The following AFF3 variants were observed in gnomAD, a reference collection of about 807,000 sequenced individuals.
AFF3 encodes ALF transcription elongation factor 3.
In AFF3, 32 loss-of-function variants were observed where a neutral mutation model predicts 129.7. That is an observed-to-expected ratio of 0.25 (90% CI 0.19 to 0.33). The LOEUF (loss-of-function observed/expected upper bound fraction) is 0.33. AFF3 is among the 10% of genes least tolerant of loss of function. AFF3 has a pLI of 1.00. For missense variants in AFF3, 1,373 were observed against 1,592.0 expected (o/e 0.86, Z 2.34); for synonymous variants, 644 against 635.4 (o/e 1.01, Z -0.20).
intron 8 of AFF3, among the ~76,000 whole-genome samples, chr2:99,818,828 G>A (rs929630199): frequency 5.3e-5 from 8 of 152,076 alleles, no homozygotes; most frequent in Admixed American, 2.0e-4. Context: ...AAATTACTTT[G>A]CCTGGGTAAT....
At chr2:99,866,394 G>A (rs1359088533) in intron 7 of AFF3, among the ~76,000 whole-genome samples, 2 of 152,154 alleles carry the variant, frequency 1.3e-5, no homozygotes, top group Admixed American at 1.3e-4. Flanking sequence ...CAGAAAAAAA[G>A]CCCAGCCATG....
chr2:99,973,940 C>T (rs566378010), intron 7 of AFF3, among the ~76,000 whole-genome samples: 10 of 152,266 alleles, frequency 6.6e-5, no homozygotes, highest in Admixed American at 3.9e-4. Context: ...GCACCCAAGA[C>T]ACCCCAAGCA....
At chr2:99,836,968 A>G (rs1475463910) in intron 8 of AFF3, among the ~76,000 whole-genome samples, 1 of 152,248 alleles carries the variant, frequency 6.6e-6, no homozygotes, top group Non-Finnish European at 1.5e-5. Flanking sequence ...CACACTAGAC[A>G]CAACGGTGAT....
Position 99,690,243 on chromosome 2 carries a change from C to T in AFF3, c.1092-17654G>A, listed in dbSNP as rs191445161. 1.5e-3 allele frequency among the ~76,000 whole-genome samples: 216 copies of T among 148,068 alleles called. 1 individual carries two copies. In the East Asian group the frequency reaches 0.038, roughly 26 times the overall value. ...TCGCCCAGGCTGGAGTGCAGTGGCG[C>T]GATCTCGGCTCACTGCAAGCTCCGC... On this transcript the variant is annotated intron_variant, in intron 11 of 24. Coordinates refer to ENST00000672756, the MANE Select transcript of AFF3 (RefSeq NM_001386135.1).
intron 10 of AFF3, among the ~76,000 whole-genome samples, chr2:99,739,237 C>T (rs774456977): frequency 2.0e-5 from 3 of 152,002 alleles, no homozygotes; most frequent in Non-Finnish European, 2.9e-5. Context: ...GCTGTTCCCA[C>T]CACCACTAAA....
At chr2:100,060,565 A>G (rs1264171357) in intron 4 of AFF3, among the ~76,000 whole-genome samples, 2 of 152,188 alleles carry the variant, frequency 1.3e-5, no homozygotes, top group South Asian at 4.1e-4. Context: ...GCTATTAGAT[A>G]AATGATTTAA....
Position 99,681,620 on chromosome 2 carries a change from T to A in AFF3, c.1092-9031A>T, listed in dbSNP as rs149293456. On this transcript the variant is annotated intron_variant, in intron 11 of 24. Transcript: ENST00000672756. Reference sequence around the variant, plus strand: ...CCCTGTAAGAGAGACCTCAAAGAGCTCTTTCGACTTTGTGTCCTTTCCACC... The same window carrying A: ...CCCTGTAAGAGAGACCTCAAAGAGCACTTTCGACTTTGTGTCCTTTCCACC... 9.9e-3 allele frequency among the ~76,000 whole-genome samples: 1,503 copies of A among 152,276 alleles called. 18 individuals carry two copies. Among genetic ancestry groups the A allele is most frequent in the Middle Eastern group, 0.027 (8 of 294 alleles).
At chr2:99,799,361 A>G (rs1242243546) in intron 8 of AFF3, among the ~76,000 whole-genome samples, 2 of 152,016 alleles carry the variant, frequency 1.3e-5, no homozygotes, top group African/African-American at 4.8e-5. Flanking sequence ...GAACGGTGGA[A>G]TGACTACATG....
In AFF3 at chr2:99,655,213, T is replaced by TACACACACAC. The variant is rs59646108; in HGVS notation, c.1144-5557_1144-5548dup. Among the ~76,000 whole-genome samples, 71 of 130,358 alleles carry TACACACACAC rather than the reference T, an allele frequency of 5.4e-4. 2 individuals carry two copies. The highest frequency in any genetic ancestry group is 1.7e-3 in the African/African-American group (58 of 33,610). The allele number at this position is 130,358 out of a possible 152,430, so 85.5% of individuals were successfully genotyped here. ...TAGAGGTGGGGCAGACATGAAAAGC[T>TACACACACAC]ACACACACACACACACACACACACA... On this transcript the variant is annotated intron_variant, in intron 12 of 24. Transcript: ENST00000672756.
At chr2:99,861,442 G>T (rs1576212720) in intron 7 of AFF3, among the ~76,000 whole-genome samples, 1 of 152,102 alleles carries the variant, frequency 6.6e-6, no homozygotes, top group African/African-American at 2.4e-5. Flanking sequence ...ATAAATGAGG[G>T]TAATAACCTA....
intron 18 of AFF3, among the ~76,000 whole-genome samples, chr2:99,575,650 G>A (rs958645880): frequency 3.9e-5 from 6 of 152,040 alleles, no homozygotes; most frequent in Non-Finnish European, 5.9e-5. Flanking sequence ...TTATTTTACT[G>A]TTATGGATTT....
chr2:99,883,506 G>A (rs1692882526), intron 7 of AFF3, among the ~76,000 whole-genome samples: 2 of 152,190 alleles, frequency 1.3e-5, no homozygotes, highest in South Asian at 4.1e-4. Flanking sequence ...TAGCCTTTAA[G>A]AATAAATTCT....
rs367742296 is a variant in AFF3 at position 99,977,291 on chromosome 2, A to G, written c.873+29341T>C. On this transcript the variant is annotated intron_variant, in intron 7 of 24. Transcript: ENST00000672756. ...TCTCTCCAATGCTGGGTAGCAGTCT[A>G]TCAATCGCTCTCACTGCCTCAACAT... Among the ~76,000 whole-genome samples the G allele has an allele frequency of 9.2e-4, 140 of 152,248 alleles. 2 individuals carry two copies. In the East Asian group the frequency reaches 0.021, roughly 23 times the overall value.
At chr2:99,591,327 C>T (rs778677311) in intron 15 of AFF3, among the ~76,000 whole-genome samples, 5 of 152,114 alleles carry the variant, frequency 3.3e-5, no homozygotes, top group Non-Finnish European at 1.5e-5. Flanking sequence ...GCTGGGACTA[C>T]AGGTGTGCAC....
At chr2:99,867,198 A>G (rs762532330) in intron 7 of AFF3, among the ~76,000 whole-genome samples, 2 of 152,062 alleles carry the variant, frequency 1.3e-5, no homozygotes, top group African/African-American at 2.4e-5. Flanking sequence ...AACAAAGCCC[A>G]ACACTTGAAG....
intron 13 of AFF3, among the ~76,000 whole-genome samples, chr2:99,621,027 C>T (rs1200752458): frequency 6.6e-6 from 1 of 152,206 alleles, no homozygotes; most frequent in Non-Finnish European, 1.5e-5. Context: ...TACCTGGCCT[C>T]AGGTATTCCT....
intron 9 of AFF3, among the ~76,000 whole-genome samples, chr2:99,747,245 G>T (rs970800931): frequency 6.6e-6 from 1 of 152,104 alleles, no homozygotes; most frequent in Non-Finnish European, 1.5e-5. Context: ...GGCCAGGCTG[G>T]TCTCAAACTC....
intron 7 of AFF3, among the ~76,000 whole-genome samples, chr2:99,876,596 G>C (rs899086608): frequency 6.6e-6 from 1 of 152,058 alleles, no homozygotes; most frequent in African/African-American, 2.4e-5. Context: ...GAACCCAGAG[G>C]AGTCTCTGTA....
At chr2:99,558,812 CACAAATTTG>C (rs1364659201) in intron 22 of AFF3, 54 bp downstream of exon 22, 2 of 1,535,608 alleles carry the variant, frequency 1.3e-6, no homozygotes, top group East Asian at 4.5e-5. Flanking sequence ...CCAGGTGCTT[CACAAATTTG>C]ACAGGGAGAC....
Sources: allele counts gnomAD v4.1 joint callset (sites outside exome capture counted in the v4.1 genomes callset), GRCh38; gene constraint gnomAD v4.1.1; transcripts MANE v1.5; gene names NCBI Gene and HGNC (gene_info 2026-07-23, HGNC 2026-07-21).